ZFAND3: variants seen among roughly 807,000 people sequenced by gnomAD.
The protein encoded by ZFAND3 is AN1-type zinc finger protein 3.
In ZFAND3, 10 loss-of-function variants were observed where a neutral mutation model predicts 29.6. That is an observed-to-expected ratio of 0.34 (90% CI 0.21 to 0.57). The LOEUF (loss-of-function observed/expected upper bound fraction) is 0.57. ZFAND3 is among the 20% of genes least tolerant of loss of function. ZFAND3 has a pLI of 0.86. For missense variants in ZFAND3, 230 were observed against 304.5 expected (o/e 0.76, Z 1.82); for synonymous variants, 128 against 112.6 (o/e 1.14, Z -0.87).
At chr6:37,848,732 T>C in intron 1 of ZFAND3, among the ~76,000 whole-genome samples, 1 of 152,204 alleles carries the variant, frequency 6.6e-6, no homozygotes, top group Middle Eastern at 3.2e-3. Context: ...TGAAGTTATG[T>C]TTAAAAAGAA....
chr6:37,991,463 C>A (rs1255327178), intron 2 of ZFAND3, among the ~76,000 whole-genome samples: 2 of 152,050 alleles, frequency 1.3e-5, no homozygotes, highest in African/African-American at 4.8e-5. Flanking sequence ...AGTGATTCTC[C>A]TGCCTCATCC....
At chr6:37,842,480 A>G (rs1258797194) in intron 1 of ZFAND3, among the ~76,000 whole-genome samples, 1 of 152,144 alleles carries the variant, frequency 6.6e-6, no homozygotes, top group Non-Finnish European at 1.5e-5. Flanking sequence ...GTGTTGTATG[A>G]ATAAGTTTGT....
chr6:38,049,834 C>G lies in ZFAND3; in HGVS notation c.113-11759C>G, dbSNP rs1763982738. Among the ~76,000 whole-genome samples the G allele has an allele frequency of 2.0e-5, 3 of 151,872 alleles. No homozygotes were observed. In the South Asian group the frequency reaches 6.3e-4, roughly 32 times the overall value. On this transcript the variant is annotated intron_variant, in intron 2 of 5. Coordinates refer to ENST00000287218, the MANE Select transcript of ZFAND3 (RefSeq NM_021943.3). ...TTAGAAGTTTGAACCACTACTTGGT[C>G]TTTTACTCTTTGGGAAAGAGATTGA...
rs1355645814 is a variant in ZFAND3 at position 38,142,729 on chromosome 6, G to A, written c.530-9506G>A. On this transcript the variant is annotated intron_variant, in intron 5 of 5. Coordinates refer to ENST00000287218, the MANE Select transcript of ZFAND3 (RefSeq NM_021943.3). ...GGAGGGGCCCGCCAGCAGTGCAGGT[G>A]CCTCCTTAGGGGTTTTTGGACCCTA... Among the ~76,000 whole-genome samples the A allele has an allele frequency of 2.0e-5, 3 of 152,184 alleles. No homozygotes were observed. In the East Asian group the frequency reaches 5.8e-4, roughly 29 times the overall value.
chr6:38,017,566 A>G (rs1763273225), intron 2 of ZFAND3, among the ~76,000 whole-genome samples: 1 of 152,208 alleles, frequency 6.6e-6, no homozygotes, highest in Non-Finnish European at 1.5e-5. Flanking sequence ...TGAATACTAA[A>G]CTGTAAACAA....
chr6:37,819,799 C>T lies in ZFAND3; in HGVS notation c.-147C>T. 2 of 434,722 alleles carry T rather than the reference C, an allele frequency of 4.6e-6. No individual in the cohort carries two copies. Among genetic ancestry groups the T allele is most frequent in the Non-Finnish European group, 6.4e-6 (2 of 310,644 alleles). 26.9% of individuals were successfully genotyped at this position (434,722 alleles called of 1,614,324 possible). ...GGCCTGGAATCCCGGCTCCGAGCCC[C>T]GGACTCGCGCCCGCCCGCGCGCCCG... is the stretch of plus-strand genomic sequence containing the variant. On this transcript the variant is annotated 5_prime_UTR_variant, in exon 1 of 6. Transcript: ENST00000287218.
At chr6:38,116,179 G>A (rs1318252111) in intron 4 of ZFAND3, among the ~76,000 whole-genome samples, 10 of 152,202 alleles carry the variant, frequency 6.6e-5, no homozygotes, top group Non-Finnish European at 2.9e-5. Flanking sequence ...TTGAGGACAA[G>A]CAAATGCCCA....
intron 2 of ZFAND3, among the ~76,000 whole-genome samples, chr6:38,034,657 C>G (rs1038441404): frequency 6.6e-6 from 1 of 152,078 alleles, no homozygotes; most frequent in African/African-American, 2.4e-5. Flanking sequence ...AAAAAAGATT[C>G]TTTGTCAAAA....
At chr6:38,070,498 A>T (rs1276934136) in intron 3 of ZFAND3, among the ~76,000 whole-genome samples, 1 of 151,744 alleles carries the variant, frequency 6.6e-6, no homozygotes, top group Non-Finnish European at 1.5e-5. Context: ...AACTTAATAT[A>T]TTTTAGAGCT....
intron 1 of ZFAND3, among the ~76,000 whole-genome samples, chr6:37,856,417 G>C (rs956966163): frequency 6.6e-6 from 1 of 152,164 alleles, no homozygotes; most frequent in Non-Finnish European, 1.5e-5. Context: ...TTCTAGCAGT[G>C]CTAGTTACTT....
At chr6:38,035,399 C>T (rs147041122) in intron 2 of ZFAND3, among the ~76,000 whole-genome samples, 18 of 152,174 alleles carry the variant, frequency 1.2e-4, no homozygotes, top group Admixed American at 5.9e-4. Flanking sequence ...ACGTGTCTCA[C>T]GGTTTCTAAG....
chr6:37,861,318 A>G (rs942236262), intron 1 of ZFAND3, among the ~76,000 whole-genome samples: 1 of 152,186 alleles, frequency 6.6e-6, no homozygotes. Context: ...AAGATGAGAA[A>G]GGCTATCATA....
At chr6:37,903,611 C>G (rs1765357882) in intron 1 of ZFAND3, among the ~76,000 whole-genome samples, 1 of 152,184 alleles carries the variant, frequency 6.6e-6, no homozygotes, top group Non-Finnish European at 1.5e-5. Flanking sequence ...GTCTGTGGTT[C>G]TTGGGTGGGA....
At chr6:38,104,563 ATGT>A (rs772198302) in intron 4 of ZFAND3, among the ~76,000 whole-genome samples, 3 of 152,148 alleles carry the variant, frequency 2.0e-5, no homozygotes, top group Non-Finnish European at 4.4e-5. Flanking sequence ...TGGTGGAATG[ATGT>A]TGTACATCAG....
chr6:38,070,348 C>T (rs1437388773), intron 3 of ZFAND3, among the ~76,000 whole-genome samples: 5 of 151,088 alleles, frequency 3.3e-5, no homozygotes, highest in Admixed American at 1.3e-4. Context: ...CGCTTGAACC[C>T]GAGAGGCGAA....
At position 37,834,686 on chromosome 6, in the gene ZFAND3, A is replaced by G. The variant is rs1318348340; in HGVS notation, c.71+14670A>G. Among the ~76,000 whole-genome samples, 4 of 148,470 alleles carry G rather than the reference A, an allele frequency of 2.7e-5. No homozygotes were observed. In the East Asian group the frequency reaches 7.7e-4, roughly 29 times the overall value. ...TGGTGTTGAATGCTGACACTATATG[A>G]TACATATGCATATATCATTATGTAT... On this transcript the variant is annotated intron_variant, in intron 1 of 5. Transcript: ENST00000287218.
At chr6:37,833,480 G>T (rs910618787) in intron 1 of ZFAND3, among the ~76,000 whole-genome samples, 1 of 151,878 alleles carries the variant, frequency 6.6e-6, no homozygotes. Context: ...ATTGAAGTAT[G>T]ACTTAGTTTA....
intron 1 of ZFAND3, among the ~76,000 whole-genome samples, chr6:37,911,829 A>T (rs1036941732): frequency 3.9e-5 from 6 of 152,148 alleles, no homozygotes; most frequent in Admixed American, 3.9e-4. Flanking sequence ...GCTGCCTGAG[A>T]TGGCATCTGG....
chr6:38,022,885 C>T (rs1046575261), intron 2 of ZFAND3, among the ~76,000 whole-genome samples: 4 of 152,160 alleles, frequency 2.6e-5, no homozygotes, highest in African/African-American at 7.2e-5. Flanking sequence ...AGTAAGGACT[C>T]TTAGTATAGT....
Sources: gnomAD v4.1 joint callset for allele counts (sites outside exome capture counted in the v4.1 genomes callset) on GRCh38, gnomAD v4.1.1 for gene constraint, MANE v1.5 for transcripts, NCBI Gene and HGNC (gene_info 2026-07-23, HGNC 2026-07-21) for gene names.